The following MLPH variants were observed in gnomAD, a reference collection of about 807,000 sequenced individuals.
MLPH encodes exophilin-3.
In MLPH, 51 loss-of-function variants were observed where a neutral mutation model predicts 72.1. The ratio of observed to expected loss-of-function variants is 0.71; its 90% CI spans 0.56 to 0.89. The LOEUF (loss-of-function observed/expected upper bound fraction) is 0.89. MLPH is among the 40% of genes least tolerant of loss of function. MLPH has a pLI of 0.00. For synonymous variants in MLPH, 301 were observed against 310.1 expected (o/e 0.97, Z 0.31); for missense variants, 743 against 759.9 (o/e 0.98, Z 0.26).
At chr2:237,511,239 C>T in intron 4 of MLPH, 138 bp downstream of exon 4, 1 of 693,654 alleles carries the variant, frequency 1.4e-6, no homozygotes, top group South Asian at 1.6e-5. Flanking sequence ...CATGCACATG[C>T]CTCTCTGTGA....
At chr2:237,540,188 A>G (rs532261602) in intron 9 of MLPH, among the ~76,000 whole-genome samples, 160 bp from the exon 10 acceptor site, 5 of 152,362 alleles carry the variant, frequency 3.3e-5, no homozygotes, top group African/African-American at 1.2e-4. Flanking sequence ...ACTGGGCCCC[A>G]GAGGGGCATG....
chr2:237,520,109 C>T (rs2080148687), intron 6 of MLPH, 80 bp downstream of exon 6: 2 of 1,590,388 alleles, frequency 1.3e-6, no homozygotes, highest in South Asian at 1.1e-5. Context: ...TGAGGGACAG[C>T]ACTCTGGAAG....
intron 6 of MLPH, among the ~76,000 whole-genome samples, chr2:237,521,913 A>G (rs56026109): frequency 2.4e-5 from 3 of 125,892 alleles, no homozygotes; most frequent in Non-Finnish European, 5.0e-5. Flanking sequence ...CACCTGCTAC[A>G]ACTATAGTGC....
chr2:237,524,541 G>A (rs1188053763), intron 6 of MLPH, among the ~76,000 whole-genome samples: 3 of 151,870 alleles, frequency 2.0e-5, no homozygotes, highest in Non-Finnish European at 2.9e-5. Context: ...ATTCACTGGC[G>A]GCTGATTAGA....
intron 12 of MLPH, chr2:237,545,368 C>G (rs1024974444): frequency 9.3e-7 from 1 of 1,079,540 alleles, no homozygotes; most frequent in East Asian, 5.9e-5. Flanking sequence ...CGTGAACATC[C>G]GGCCTGAGTT....
intron 14 of MLPH, among the ~76,000 whole-genome samples, chr2:237,550,140 C>T (rs2081002618): frequency 6.6e-6 from 1 of 152,206 alleles, no homozygotes; most frequent in African/African-American, 2.4e-5. Context: ...GCACTTGCCT[C>T]CACGCCTGGG....
At chr2:237,527,635 A>G (rs2080333057) in intron 8 of MLPH, 119 bp downstream of exon 8, 1 of 1,299,908 alleles carries the variant, frequency 7.7e-7, no homozygotes, top group Non-Finnish European at 1.1e-6. Flanking sequence ...ATGAAATTGC[A>G]CAAGCCTACT....
At chr2:237,533,783 G>T (rs2080474967) in intron 8 of MLPH, among the ~76,000 whole-genome samples, 1 of 152,248 alleles carries the variant, frequency 6.6e-6, no homozygotes, top group South Asian at 2.1e-4. Context: ...GTGGGCCGAG[G>T]TCTAACTGAA....
intron 6 of MLPH, among the ~76,000 whole-genome samples, chr2:237,521,436 A>G (rs2080179659): frequency 6.6e-6 from 1 of 152,206 alleles, no homozygotes; most frequent in Non-Finnish European, 1.5e-5. Context: ...TTGTTCATCC[A>G]TCATTGATGT....
chr2:237,542,817 G>A (rs1483525961), intron 12 of MLPH, among the ~76,000 whole-genome samples, 158 bp downstream of exon 12: 2 of 36,988 alleles, frequency 5.4e-5, no homozygotes, highest in Admixed American at 2.0e-4. Context: ...GGACAGTGGT[G>A]AGTGGGGACA....
intron 9 of MLPH, among the ~76,000 whole-genome samples, chr2:237,535,824 A>G (rs7573177): frequency 0.2 from 30,208 of 152,108 alleles, 3,631 homozygotes; most frequent in African/African-American, 0.33. Flanking sequence ...CATTGTAGCA[A>G]TTCACTAGGT....
rs191567029 is a variant in MLPH at position 237,548,519 on chromosome 2, G to A, written c.1618-702G>A. Among the ~76,000 whole-genome samples, 13 of 152,334 alleles carry A rather than the reference G, an allele frequency of 8.5e-5. No homozygotes were observed. The East Asian group carries it at 2.1e-3, about 25-fold the overall frequency. On this transcript the variant is annotated intron_variant, in intron 13 of 15. Transcript: ENST00000264605. ...CCACAAGTGATCTTCCAGTATCCCTGTAAAGAGAGCTACAGGCCCATTTTA... is the reference window on the plus strand; with the variant it reads ...CCACAAGTGATCTTCCAGTATCCCTATAAAGAGAGCTACAGGCCCATTTTA...
chr2:237,522,438 G>C (rs10177207), intron 6 of MLPH, among the ~76,000 whole-genome samples: 13 of 96,162 alleles, frequency 1.4e-4, no homozygotes, highest in Admixed American at 8.1e-4. Context: ...TGAGACTGGG[G>C]TTGGGCCTTC....
In MLPH at chr2:237,513,554, T is replaced by C. The variant is rs138979188; in HGVS notation, c.445+2453T>C. On this transcript the variant is annotated intron_variant, in intron 4 of 15. Coordinates refer to ENST00000264605, the MANE Select transcript of MLPH (RefSeq NM_024101.7). ...GGAACAAGGAAAATCTTTTGGAATTTTTTTGGTTTTTTTCTTTTTTTTAGC... is the reference window on the plus strand; with the variant it reads ...GGAACAAGGAAAATCTTTTGGAATTCTTTTGGTTTTTTTCTTTTTTTTAGC... Among the ~76,000 whole-genome samples the C allele has an allele frequency of 3.0e-3, 452 of 152,324 alleles. 2 individuals carry two copies. The highest frequency in any genetic ancestry group is 9.7e-3 in the African/African-American group (402 of 41,576).
At chr2:237,529,603 A>C (rs749742829) in intron 8 of MLPH, among the ~76,000 whole-genome samples, 3 of 152,210 alleles carry the variant, frequency 2.0e-5, no homozygotes, top group African/African-American at 4.8e-5. Flanking sequence ...TCTTTAAGGC[A>C]ATGAAAGACA....
intron 15 of MLPH, 34 bp from the exon 16 acceptor site, chr2:237,553,532 T>C: frequency 6.2e-7 from 1 of 1,607,416 alleles, no homozygotes; most frequent in Non-Finnish European, 8.5e-7. Context: ...TGTATGTGTG[T>C]GCTTATATGT....
intron 8 of MLPH, among the ~76,000 whole-genome samples, chr2:237,533,662 G>A (rs550017034): frequency 4.5e-4 from 69 of 152,320 alleles, no homozygotes; most frequent in African/African-American, 1.5e-3. Flanking sequence ...CACTGCTTCC[G>A]GGAGACAGAG....
chr2:237,499,430 C>A (rs2079602185), intron 2 of MLPH, among the ~76,000 whole-genome samples: 2 of 152,090 alleles, frequency 1.3e-5, no homozygotes, highest in Admixed American at 1.3e-4. Context: ...CATATCAGAT[C>A]TTTGCAGAGG....
intron 9 of MLPH, 60 bp downstream of exon 9, chr2:237,534,707 T>C: frequency 1.5e-6 from 2 of 1,344,594 alleles, no homozygotes; most frequent in Non-Finnish European, 2.1e-6. Context: ...TAAAGGAGGC[T>C]GAAGTGTGAC....
Sources: gnomAD v4.1 joint callset for allele counts (sites outside exome capture counted in the v4.1 genomes callset) on GRCh38, gnomAD v4.1.1 for gene constraint, MANE v1.5 for transcripts, NCBI Gene and HGNC (gene_info 2026-07-23, HGNC 2026-07-21) for gene names.